Variants in PPP1R9A observed in about 807,000 individuals in gnomAD.
PPP1R9A encodes the protein neurabin-1.
A neutral mutation model predicts 141.9 loss-of-function variants in PPP1R9A; 59 were observed. The observed-to-expected ratio is 0.42, with a 90% CI of 0.34 to 0.52. The LOEUF (loss-of-function observed/expected upper bound fraction) is 0.52. Among genes scored for constraint, PPP1R9A ranks in the 20% least tolerant of loss-of-function variants. The pLI, the probability that PPP1R9A is intolerant of heterozygous loss-of-function variation, is 0.10. For missense variants in PPP1R9A, 1,444 were observed against 1,611.9 expected, an observed-to-expected ratio of 0.90 and a Z score of 1.78; for synonymous variants, 500 against 569.7, an observed-to-expected ratio of 0.88 and a Z score of 1.74.
At chr7:94,950,341 A>T (rs911022269) in intron 2 of PPP1R9A, among the ~76,000 whole-genome samples, 3 of 151,988 alleles carry the variant, frequency 2.0e-5, no homozygotes, top group African/African-American at 7.2e-5. Flanking sequence ...CTTTTCTGTC[A>T]TGATGCTTTA....
rs372194294 is a variant in PPP1R9A, at chr7:94,934,865, C to CACACAT, written c.1395+23358_1395+23359insCACATA. Among the ~76,000 whole-genome samples the CACACAT allele has an allele frequency of 5.2e-3, 789 of 151,334 alleles. 11 individuals are homozygous for CACACAT. Among genetic ancestry groups the CACACAT allele is most frequent in the South Asian group, 0.029 (139 of 4,796 alleles). The stretch of plus-strand genomic sequence containing the variant: ...GTATACATACACACACACACACACA[C>CACACAT]ATATATTTTAAGAGATGTGTTGCCC... On this transcript the variant is annotated intron_variant, in intron 2 of 19. Transcript: ENST00000433360.
At chr7:94,941,686 G>A (rs1367521185) in intron 2 of PPP1R9A, among the ~76,000 whole-genome samples, 1 of 151,874 alleles carries the variant, frequency 6.6e-6, no homozygotes, top group Non-Finnish European at 1.5e-5. Context: ...ATAAATAAGT[G>A]TTTGTGGGCT....
At chr7:95,169,114 C>A (rs973605403) in intron 5 of PPP1R9A, among the ~76,000 whole-genome samples, 1 of 152,004 alleles carries the variant, frequency 6.6e-6, no homozygotes, top group African/African-American at 2.4e-5. Context: ...TTCACAATAG[C>A]AGTGATATGG....
intron 2 of PPP1R9A, among the ~76,000 whole-genome samples, chr7:94,960,147 A>G (rs1797463209): frequency 6.7e-6 from 1 of 149,374 alleles, no homozygotes; most frequent in Non-Finnish European, 1.5e-5. Flanking sequence ...CTTGAACTAT[A>G]TGGACTTCTT....
chr7:95,001,813 T>C (rs956606001), intron 2 of PPP1R9A, among the ~76,000 whole-genome samples: 5 of 152,122 alleles, frequency 3.3e-5, no homozygotes, highest in Non-Finnish European at 7.3e-5. Context: ...GATATTAAAC[T>C]GTCACTTTCC....
At chr7:95,269,175 A>G (rs758217898) in intron 13 of PPP1R9A, 32 bp from the exon 14 acceptor site, 3 of 1,489,572 alleles carry the variant, frequency 2.0e-6, no homozygotes, top group South Asian at 1.2e-5. Context: ...ACTCAGTGGC[A>G]TAACCTTCCT....
intron 2 of PPP1R9A, among the ~76,000 whole-genome samples, chr7:94,994,890 C>CAA (rs983297315): frequency 1.9e-5 from 2 of 107,648 alleles, no homozygotes; most frequent in African/African-American, 6.9e-5. Context: ...GACTCCGTCT[C>CAA]AAAAAAAAAA....
At chr7:94,961,261 G>C (rs1797614467) in intron 2 of PPP1R9A, among the ~76,000 whole-genome samples, 1 of 151,436 alleles carries the variant, frequency 6.6e-6, no homozygotes, top group Non-Finnish European at 1.5e-5. Context: ...ATGAGGGGTG[G>C]TTTATTTTTT....
intron 1 of PPP1R9A, chr7:94,908,520 A>G (rs1295222352): frequency 6.6e-6 from 1 of 152,160 alleles, no homozygotes; most frequent in East Asian, 1.9e-4. Flanking sequence ...GCTTGGCGTC[A>G]CCTGCTCTCC....
intron 2 of PPP1R9A, among the ~76,000 whole-genome samples, chr7:95,046,538 T>G (rs1810038773): frequency 6.6e-6 from 1 of 152,240 alleles, no homozygotes; most frequent in South Asian, 2.1e-4. Flanking sequence ...GAAACTCTTA[T>G]TTTTCTCTTC....
At chr7:94,989,273 T>C (rs1165133746) in intron 2 of PPP1R9A, among the ~76,000 whole-genome samples, 1 of 152,014 alleles carries the variant, frequency 6.6e-6, no homozygotes, top group Non-Finnish European at 1.5e-5. Flanking sequence ...TGAACACATT[T>C]TGAAGATTTT....
chr7:95,274,108 G>A lies in PPP1R9A; in HGVS notation c.3236G>A (p.Ser1079Asn), dbSNP rs2240026. 123,540 of 1,582,574 alleles carry A rather than the reference G, an allele frequency of 0.078. 8,966 individuals carry two copies. The highest frequency in any genetic ancestry group is 0.46 in the East Asian group (20,346 of 44,192). Residue 1079 changes from serine to asparagine, a missense_variant, in exon 16 of 20, where the codon AGC becomes AAC. This residue lies in a region of PPP1R9A where 459 missense variants were observed against 513.8 expected (regional missense o/e 0.89). Coordinates refer to ENST00000433360, the MANE Select transcript of PPP1R9A (RefSeq NM_001166160.2). Reference sequence around the variant, plus strand: ...AGGGCGCCTTTGCGAAGGAATTCCAGCAAGGGAAAGAAGTGGAAAGAAAAA... The same window carrying A: ...AGGGCGCCTTTGCGAAGGAATTCCAACAAGGGAAAGAAGTGGAAAGAAAAA... ...DLGAPLRRNS[S>N]KGKKWKEKEK...
intron 2 of PPP1R9A, among the ~76,000 whole-genome samples, chr7:94,942,661 G>A (rs2150959072): frequency 6.6e-6 from 1 of 152,062 alleles, no homozygotes; most frequent in South Asian, 2.1e-4. Context: ...AAAATTAGCT[G>A]GGCATGGTGG....
At chr7:95,175,256 TTGGATGGATGGATGGA>T (rs61519780) in intron 5 of PPP1R9A, among the ~76,000 whole-genome samples, 8 of 146,720 alleles carry the variant, frequency 5.5e-5, no homozygotes, top group Admixed American at 1.4e-4. Context: ...CAATAACTAG[TTGGATGGATGGATGGA>T]TGGATGGATG....
Position 95,172,965 on chromosome 7 carries a change from G to C in PPP1R9A, c.1754+10994G>C, listed in dbSNP as rs191480455. On this transcript the variant is annotated intron_variant, in intron 5 of 19. Coordinates refer to ENST00000433360, the MANE Select transcript of PPP1R9A (RefSeq NM_001166160.2). ...AGGTAATTCCGTGGAGGAAATTATA[G>C]TTAACTCAAAAAATGGGGCTGAAAA... Among the ~76,000 whole-genome samples the C allele has an allele frequency of 4.6e-3, 700 of 151,758 alleles. 5 individuals carry two copies. The highest frequency in any genetic ancestry group is 0.016 in the African/African-American group (659 of 41,462).
intron 2 of PPP1R9A, 47 bp from the exon 3 acceptor site, chr7:95,111,212 G>GTTTT: frequency 1.0e-5 from 13 of 1,253,468 alleles, no homozygotes; most frequent in East Asian, 2.7e-5. Context: ...TACCTGGCAG[G>GTTTT]TTTTTTTTTT....
At chr7:95,220,205 T>C (rs1482201493) in intron 7 of PPP1R9A, among the ~76,000 whole-genome samples, 1 of 152,114 alleles carries the variant, frequency 6.6e-6, no homozygotes, top group Non-Finnish European at 1.5e-5. Flanking sequence ...GAAAGGCCTC[T>C]GGATGGTTGG....
Position 95,144,204 on chromosome 7 carries a change from T to G in PPP1R9A, c.1650-17663T>G, listed in dbSNP as rs533394527. Among the ~76,000 whole-genome samples the G allele has an allele frequency of 2.2e-3, 329 of 152,270 alleles. 22 individuals are homozygous for G. Among genetic ancestry groups the G allele is most frequent in the Non-Finnish European group, 1.9e-3 (126 of 67,992 alleles). Reference sequence around the variant, plus strand: ...CAGCCTTCTACTCTGTTTTTGTGTGTTTGACTTTTTGAGATGCCACATATA... The same window carrying G: ...CAGCCTTCTACTCTGTTTTTGTGTGGTTGACTTTTTGAGATGCCACATATA... On this transcript the variant is annotated intron_variant, in intron 4 of 19. Coordinates refer to ENST00000433360, the MANE Select transcript of PPP1R9A (RefSeq NM_001166160.2).
chr7:95,194,277 C>A (rs369337386), intron 5 of PPP1R9A, among the ~76,000 whole-genome samples: 2 of 152,130 alleles, frequency 1.3e-5, no homozygotes, highest in African/African-American at 4.8e-5. Flanking sequence ...TCTATGGATT[C>A]TTTAAGCATG....
Sources: gnomAD v4.1 joint callset for allele counts (sites outside exome capture counted in the v4.1 genomes callset) on GRCh38, gnomAD v4.1.1 for gene constraint, gnomAD v4.1.1 regional missense constraint, MANE v1.5 for transcripts, NCBI Gene and HGNC (gene_info 2026-07-23, HGNC 2026-07-21) for gene names.